KLF12: variants seen among roughly 807,000 people sequenced by gnomAD.
KLF12 encodes the protein Krueppel-like factor 12.
Under a neutral mutation model 37.8 loss-of-function variants are expected in KLF12, and 9 were observed. That is an observed-to-expected ratio of 0.24 (90% confidence interval 0.14 to 0.42). KLF12 has a LOEUF of 0.42. Among genes scored for constraint, KLF12 ranks in the 10% least tolerant of loss-of-function variants. The probability of loss-of-function intolerance (pLI) is 1.00; values close to 1 mark genes in which losing one functional copy is unlikely to be tolerated. For synonymous variants in KLF12, 208 were observed against 202.1 expected, an observed-to-expected ratio of 1.03 and a Z score of -0.25; for missense variants, 411 against 516.0, an observed-to-expected ratio of 0.80 and a Z score of 1.97.
chr13:74,011,614 C>A (rs756044390), intron 1 of KLF12, among the ~76,000 whole-genome samples: 1 of 152,058 alleles, frequency 6.6e-6, no homozygotes, highest in Non-Finnish European at 1.5e-5. Flanking sequence ...AAGCAAAACT[C>A]GAATTTGCCG....
At chr13:73,778,447 C>T (rs1162647189) in intron 5 of KLF12, among the ~76,000 whole-genome samples, 1 of 152,106 alleles carries the variant, frequency 6.6e-6, no homozygotes, top group East Asian at 1.9e-4. Context: ...GCAGCCTTGA[C>T]CTCTTAGGCT....
chr13:73,708,769 G>A (rs529954585), intron 7 of KLF12, among the ~76,000 whole-genome samples: 3 of 152,116 alleles, frequency 2.0e-5, no homozygotes, highest in Non-Finnish European at 4.4e-5. Flanking sequence ...TAACGTGAGG[G>A]AATCCATAGT....
chr13:73,722,790 T>C (rs1331231040), intron 6 of KLF12, among the ~76,000 whole-genome samples: 1 of 152,222 alleles, frequency 6.6e-6, no homozygotes, highest in Non-Finnish European at 1.5e-5. Flanking sequence ...AAGTTTTCCA[T>C]ATGAACAGAA....
chr13:73,756,186 G>A (rs1879156475), intron 6 of KLF12, among the ~76,000 whole-genome samples: 1 of 152,060 alleles, frequency 6.6e-6, no homozygotes, highest in Admixed American at 6.6e-5. Flanking sequence ...TTATCTTAAA[G>A]AGCCATAAAG....
chr13:73,788,679 T>C (rs898383050), intron 5 of KLF12, among the ~76,000 whole-genome samples: 2 of 152,218 alleles, frequency 1.3e-5, no homozygotes, highest in Non-Finnish European at 2.9e-5. Flanking sequence ...GTTCCCTCCA[T>C]TAAACTGCTT....
rs1891929267 is a variant in KLF12, at chr13:73,990,152, A to AT, written c.33+4837dup. Among the ~76,000 whole-genome samples the AT allele has an allele frequency of 3.3e-5, 5 of 152,204 alleles. No homozygotes were observed. In the South Asian group the frequency reaches 1.0e-3, roughly 32 times the overall value. ...AAAAAGTTAAAGATGAAGGCCACAG[A>AT]TATGGAAAATCAAGGAGAAACATCA... is the stretch of plus-strand genomic sequence containing the variant. On this transcript the variant is annotated intron_variant, in intron 2 of 7. Transcript: ENST00000377669.
chr13:74,019,921 T>G (rs1892797233), intron 1 of KLF12, among the ~76,000 whole-genome samples: 1 of 152,190 alleles, frequency 6.6e-6, no homozygotes, highest in Non-Finnish European at 1.5e-5. Context: ...CTTAACAATT[T>G]CAAAATCTTT....
the KLF12 span, among the ~76,000 whole-genome samples, chr13:74,157,564 G>A: frequency 6.6e-6 from 1 of 152,176 alleles, no homozygotes; most frequent in Non-Finnish European, 1.5e-5. Context: ...ATACTAGAGT[G>A]AAAGAAGGGG....
chr13:74,137,986 C>T (rs903738054), upstream of KLF12, among the ~76,000 whole-genome samples: 7 of 152,212 alleles, frequency 4.6e-5, no homozygotes, highest in Non-Finnish European at 8.8e-5. Context: ...GTCTTGAACT[C>T]CCGACCTCAG....
At chr13:73,773,718 A>T (rs961200907) in intron 5 of KLF12, among the ~76,000 whole-genome samples, 1 of 152,102 alleles carries the variant, frequency 6.6e-6, no homozygotes, top group Non-Finnish European at 1.5e-5. Flanking sequence ...ATTGCTTTTG[A>T]AGTTGACCCA....
chr13:73,823,589 C>T (rs187052848), intron 4 of KLF12, among the ~76,000 whole-genome samples: 3 of 152,200 alleles, frequency 2.0e-5, no homozygotes, highest in South Asian at 2.1e-4. Flanking sequence ...GCAGAGTAGA[C>T]GTTCTTGAAG....
intron 7 of KLF12, 84 bp from the exon 8 acceptor site, chr13:73,695,755 G>T: frequency 7.9e-7 from 1 of 1,272,402 alleles, no homozygotes; most frequent in Non-Finnish European, 1.1e-6. Context: ...TTGGGAAACT[G>T]GTGTTCTCAA....
intron 1 of KLF12, among the ~76,000 whole-genome samples, chr13:74,030,521 A>G (rs1045013811): frequency 3.3e-5 from 5 of 152,076 alleles, no homozygotes; most frequent in Non-Finnish European, 7.4e-5. Flanking sequence ...CTAGATGAAG[A>G]TGTCTGAACA....
chr13:74,055,723 G>A (rs1289829551), intron 1 of KLF12, among the ~76,000 whole-genome samples: 2 of 152,102 alleles, frequency 1.3e-5, no homozygotes, highest in Non-Finnish European at 1.5e-5. Flanking sequence ...GATAAGCAAC[G>A]GTGGCAGAGG....
At chr13:73,874,241 G>A (rs564028046) in intron 3 of KLF12, among the ~76,000 whole-genome samples, 3 of 152,132 alleles carry the variant, frequency 2.0e-5, no homozygotes, top group Non-Finnish European at 4.4e-5. Context: ...TAGATATATT[G>A]CTTTTTATGG....
At chr13:73,764,320 C>CATG (rs941880171) in intron 6 of KLF12, among the ~76,000 whole-genome samples, 1 of 151,818 alleles carries the variant, frequency 6.6e-6, no homozygotes, top group African/African-American at 2.4e-5. Context: ...TGTTGTTTCG[C>CATG]ATGAAATATT....
chr13:74,256,761 CCTA>C, the KLF12 span, among the ~76,000 whole-genome samples: 233 of 150,974 alleles, frequency 1.5e-3, 2 homozygotes, highest in East Asian at 3.8e-3. Context: ...TTGGAAACGG[CCTA>C]CTATTTGCAG....
At chr13:73,914,116 C>T (rs1411489908) in intron 3 of KLF12, among the ~76,000 whole-genome samples, 1 of 152,200 alleles carries the variant, frequency 6.6e-6, no homozygotes, top group African/African-American at 2.4e-5. Flanking sequence ...GCCTTCCATC[C>T]TATACCCCAA....
the KLF12 span, among the ~76,000 whole-genome samples, chr13:74,186,469 G>A: frequency 2.0e-5 from 3 of 152,068 alleles, no homozygotes; most frequent in Non-Finnish European, 2.9e-5. Flanking sequence ...AGGAACTTTG[G>A]ACAGGTTGGG....
Sources: allele counts gnomAD v4.1 joint callset (sites outside exome capture counted in the v4.1 genomes callset), GRCh38; gene constraint gnomAD v4.1.1; transcripts MANE v1.5; gene names NCBI Gene and HGNC (gene_info 2026-07-23, HGNC 2026-07-21).